The following RPS6KC1 variants were observed in gnomAD, a reference collection of about 807,000 sequenced individuals.
RPS6KC1 encodes the protein ribosomal protein S6 kinase C1.
In RPS6KC1, 54 loss-of-function variants were observed where a neutral mutation model predicts 103.8. The observed-to-expected ratio is 0.52, with a 90% CI of 0.42 to 0.65. The LOEUF (loss-of-function observed/expected upper bound fraction) is 0.65. Ranked by LOEUF, RPS6KC1 falls within the 30% of genes least tolerant of loss-of-function variation. RPS6KC1 has a pLI of 0.00. For synonymous variants in RPS6KC1, 439 were observed against 438.7 expected (o/e 1.00, Z -0.01); for missense variants, 1,151 against 1,253.8 (o/e 0.92, Z 1.24).
At chr1:213,301,933 G>A in the RPS6KC1 span, among the ~76,000 whole-genome samples, 2 of 151,874 alleles carry the variant, frequency 1.3e-5, no homozygotes, top group Non-Finnish European at 2.9e-5. Flanking sequence ...AAGGGGTTTC[G>A]CCATCTGGGC....
At chr1:213,197,052 G>T (rs996479258) in intron 8 of RPS6KC1, among the ~76,000 whole-genome samples, 3 of 152,098 alleles carry the variant, frequency 2.0e-5, no homozygotes, top group Admixed American at 2.0e-4. Context: ...GGTCAGGCTG[G>T]TCTTGAACTC....
At chr1:213,634,145 C>G in the RPS6KC1 span, among the ~76,000 whole-genome samples, 10,085 of 152,060 alleles carry the variant, frequency 0.066, 382 homozygotes, top group South Asian at 0.14. Context: ...CTTTAACACC[C>G]CACTGTCAAT....
chr1:213,676,302 A>G, the RPS6KC1 span, among the ~76,000 whole-genome samples: 1 of 152,206 alleles, frequency 6.6e-6, no homozygotes. Context: ...TCTCCCAGCT[A>G]GTAGAGCCCT....
At chr1:213,529,333 T>C in the RPS6KC1 span, among the ~76,000 whole-genome samples, 3 of 152,142 alleles carry the variant, frequency 2.0e-5, no homozygotes, top group African/African-American at 7.2e-5. Flanking sequence ...GAATTCATGG[T>C]CTGTGAAAAG....
the RPS6KC1 span, among the ~76,000 whole-genome samples, chr1:213,293,412 G>A: frequency 9.2e-5 from 14 of 152,076 alleles, no homozygotes; most frequent in East Asian, 1.9e-3. Context: ...ATTTTTAGCT[G>A]TGGATGCCTC....
the RPS6KC1 span, among the ~76,000 whole-genome samples, chr1:213,745,079 T>G: frequency 3.3e-5 from 5 of 152,246 alleles, no homozygotes; most frequent in Non-Finnish European, 7.3e-5. Context: ...TTTCAGCTAA[T>G]AAGATCCTCT....
chr1:213,718,823 T>C, the RPS6KC1 span, among the ~76,000 whole-genome samples: 1 of 152,206 alleles, frequency 6.6e-6, no homozygotes, highest in African/African-American at 2.4e-5. Context: ...ACAACGCAGA[T>C]TTGGATCCTA....
chr1:213,410,930 G>A, the RPS6KC1 span, among the ~76,000 whole-genome samples: 1 of 152,094 alleles, frequency 6.6e-6, no homozygotes, highest in East Asian at 1.9e-4. Flanking sequence ...GATGAGGGTT[G>A]GAAGGGGTCA....
rs935405475 is a variant in RPS6KC1, at chr1:213,274,698, TG to T, written c.*2065del. The stretch of plus-strand genomic sequence containing the variant: ...TGTGAATGGTACTGATTTTTGTGGT[TG>T]TTTTTTTTTTATATTTTGTTTGTTT... On this transcript the variant is annotated 3_prime_UTR_variant, in exon 15 of 15. Coordinates refer to ENST00000366960, the MANE Select transcript of RPS6KC1 (RefSeq NM_012424.6). 6 of 140,600 alleles carry T rather than the reference TG, an allele frequency of 4.3e-5. No individual in the cohort carries two copies. The highest frequency in any genetic ancestry group is 2.2e-4 in the Admixed American group (3 of 13,852). The allele number at this position is 140,600 out of a possible 1,614,324, so 8.7% of individuals were successfully genotyped here. A position where few individuals can be genotyped will look rare whatever the true frequency, so the allele number is the denominator to read the frequency against.
At chr1:213,321,388 T>C in the RPS6KC1 span, among the ~76,000 whole-genome samples, 1 of 152,234 alleles carries the variant, frequency 6.6e-6, no homozygotes, top group Non-Finnish European at 1.5e-5. Context: ...TCTGACTAAC[T>C]GTGTTAATAC....
At chr1:213,831,408 C>T in the RPS6KC1 span, among the ~76,000 whole-genome samples, 1 of 152,112 alleles carries the variant, frequency 6.6e-6, no homozygotes, top group Admixed American at 6.5e-5. Flanking sequence ...GGGCCACAAG[C>T]CAAGGAATGC....
the RPS6KC1 span, among the ~76,000 whole-genome samples, chr1:213,665,434 A>AT: frequency 4.6e-5 from 7 of 152,090 alleles, no homozygotes; most frequent in African/African-American, 7.2e-5. Context: ...GTTCAACTTC[A>AT]TTAAAAAAAG....
At chr1:213,087,536 T>C (rs1156550135) in intron 3 of RPS6KC1, among the ~76,000 whole-genome samples, 1 of 152,258 alleles carries the variant, frequency 6.6e-6, no homozygotes, top group Non-Finnish European at 1.5e-5. Flanking sequence ...TTTTTCTTTA[T>C]GGTGAATACA....
the RPS6KC1 span, among the ~76,000 whole-genome samples, chr1:213,715,910 G>C: frequency 6.6e-6 from 1 of 152,134 alleles, no homozygotes; most frequent in Non-Finnish European, 1.5e-5. Context: ...CCCCTCTCAA[G>C]ATTTGAATGC....
At chr1:213,173,112 CTCTT>C (rs2091607286) in intron 7 of RPS6KC1, among the ~76,000 whole-genome samples, 1 of 152,144 alleles carries the variant, frequency 6.6e-6, no homozygotes, top group Non-Finnish European at 1.5e-5. Context: ...TCTCTAAGGT[CTCTT>C]TCTGCTCTTA....
chr1:213,661,327 A>G, the RPS6KC1 span, among the ~76,000 whole-genome samples: 2 of 152,178 alleles, frequency 1.3e-5, no homozygotes, highest in Admixed American at 6.5e-5. Context: ...GGTAAAAACA[A>G]CACACTTAGC....
At chr1:213,539,609 A>G in the RPS6KC1 span, among the ~76,000 whole-genome samples, 5 of 152,268 alleles carry the variant, frequency 3.3e-5, no homozygotes, top group African/African-American at 7.2e-5. Flanking sequence ...AATAATAGAC[A>G]TAGTAAAGCA....
Position 213,167,991 on chromosome 1 carries a change from T to C in RPS6KC1, c.951+18T>C. Reference sequence around the variant, plus strand: ...TATCTCAGGTATGTCTCATATTTTGTTGTGTGTTTTCTTCAGTGATTTTTT... The same window carrying C: ...TATCTCAGGTATGTCTCATATTTTGCTGTGTGTTTTCTTCAGTGATTTTTT... On this transcript the variant is annotated intron_variant, in intron 7 of 14. Coordinates refer to ENST00000366960, the MANE Select transcript of RPS6KC1 (RefSeq NM_012424.6). 6.5e-7 allele frequency: 1 copy of C among 1,534,762 alleles called. No individual in the cohort carries two copies. The highest frequency in any genetic ancestry group is 1.1e-5 in the South Asian group (1 of 87,782).
the RPS6KC1 span, among the ~76,000 whole-genome samples, chr1:213,803,812 G>A: frequency 2.0e-5 from 3 of 152,150 alleles, no homozygotes; most frequent in Non-Finnish European, 4.4e-5. Context: ...AAAGTACCAA[G>A]TTGAAACAGG....
Sources: allele counts gnomAD v4.1 joint callset (sites outside exome capture counted in the v4.1 genomes callset), GRCh38; gene constraint gnomAD v4.1.1; transcripts MANE v1.5; gene names NCBI Gene and HGNC (gene_info 2026-07-23, HGNC 2026-07-21).